Variants in DHX9 observed in about 807,000 individuals in gnomAD.
The protein encoded by DHX9 is DExH-box helicase 9, also known as ATP-dependent RNA helicase A.
DHX9 carries 27 observed loss-of-function variants against 148.7 expected under a neutral mutation model. The observed-to-expected ratio is 0.18, with a 90% CI of 0.13 to 0.25. DHX9 has a LOEUF of 0.25. DHX9 is among the 10% of genes least tolerant of loss of function. The pLI is 1.00. For synonymous variants in DHX9, 529 were observed against 516.6 expected (o/e 1.02, Z -0.33); for missense variants, 796 against 1,559.6 (o/e 0.51, Z 8.25).
intron 17 of DHX9, 45 bp from the exon 18 acceptor site, chr1:182,876,401 AC>A: frequency 6.3e-7 from 1 of 1,587,658 alleles, no homozygotes; most frequent in Non-Finnish European, 8.6e-7. Flanking sequence ...GCTGTTTGAA[AC>A]CAGCTCCTGT....
intron 3 of DHX9, among the ~76,000 whole-genome samples, chr1:182,844,988 CTGT>C (rs1468565795): frequency 1.3e-5 from 2 of 152,188 alleles, no homozygotes; most frequent in African/African-American, 4.8e-5. Flanking sequence ...TAACAGGGTC[CTGT>C]TACTGAATTT....
intron 1 of DHX9, among the ~76,000 whole-genome samples, chr1:182,841,307 A>G (rs955963498): frequency 7.9e-5 from 12 of 152,116 alleles, no homozygotes; most frequent in Admixed American, 2.0e-4. Context: ...AAAAAGAGAG[A>G]AAAGACTAAA....
chr1:182,881,928 A>G (rs1440753627), intron 24 of DHX9, among the ~76,000 whole-genome samples: 2 of 152,190 alleles, frequency 1.3e-5, no homozygotes, highest in South Asian at 2.1e-4. Context: ...CGGTGTACAG[A>G]TGATTAAAGG....
chr1:182,875,984 A>C (rs1648747099), intron 16 of DHX9, 66 bp from the exon 17 acceptor site: 1 of 1,260,390 alleles, frequency 7.9e-7, no homozygotes, highest in African/African-American at 1.5e-5. Context: ...CACTAGAAGA[A>C]ATCTAGAAGA....
At chr1:182,875,042 C>T (rs900740465) in intron 16 of DHX9, 88 bp downstream of exon 16, 20 of 1,028,956 alleles carry the variant, frequency 1.9e-5, no homozygotes, top group Admixed American at 1.7e-4. Flanking sequence ...AATGTATTAG[C>T]ATTACAGCAA....
intron 14 of DHX9, among the ~76,000 whole-genome samples, chr1:182,867,996 T>C (rs771351490): frequency 2.0e-5 from 3 of 152,178 alleles, no homozygotes; most frequent in African/African-American, 2.4e-5. Context: ...TTTTTTTCTT[T>C]TTTCTTCTCC....
intron 27 of DHX9, among the ~76,000 whole-genome samples, chr1:182,885,748 A>G (rs561471337): frequency 3.3e-5 from 5 of 152,350 alleles, no homozygotes; most frequent in Non-Finnish European, 5.9e-5. Flanking sequence ...AACCAGGTTC[A>G]AACCCAGGCA....
intron 27 of DHX9, 80 bp downstream of exon 27, chr1:182,884,893 T>C: frequency 7.4e-7 from 1 of 1,343,520 alleles, no homozygotes. Flanking sequence ...AAGTTAGTGA[T>C]AGAAGCCCTA....
chr1:182,872,511 G>A lies in DHX9; in HGVS notation c.1714+18G>A, dbSNP rs750806251. 1 of 1,605,896 alleles carries A rather than the reference G, an allele frequency of 6.2e-7. No individual in the cohort carries two copies. The highest frequency in any genetic ancestry group is 1.1e-5 in the South Asian group (1 of 89,466). The stretch of plus-strand genomic sequence containing the variant: ...AGTTCAAGGTAATATTGTGGGGGTG[G>A]TATAGGAACATCTTTTGTGCAATAG... On this transcript the variant is annotated intron_variant, in intron 15 of 27. Coordinates refer to ENST00000367549, the MANE Select transcript of DHX9 (RefSeq NM_001357.5).
At chr1:182,873,142 G>C (rs564390485) in intron 15 of DHX9, among the ~76,000 whole-genome samples, 13 of 152,172 alleles carry the variant, frequency 8.5e-5, no homozygotes, top group African/African-American at 3.1e-4. Flanking sequence ...ATTTTGTAGA[G>C]ACAAGGTCTC....
intron 15 of DHX9, 39 bp downstream of exon 15, chr1:182,872,532 A>G (rs1386526783): frequency 7.0e-6 from 11 of 1,581,362 alleles, no homozygotes; most frequent in Non-Finnish European, 8.6e-6. Context: ...TCTTTTGTGC[A>G]ATAGGGTTTG....
intron 24 of DHX9, 41 bp from the exon 25 acceptor site, chr1:182,883,098 C>G (rs753644030): frequency 7.6e-7 from 1 of 1,321,328 alleles, no homozygotes; most frequent in Non-Finnish European, 1.1e-6. Flanking sequence ...GAAGATCAGC[C>G]AGTTATCTGA....
intron 1 of DHX9, among the ~76,000 whole-genome samples, chr1:182,841,761 A>G (rs1667935905): frequency 6.6e-6 from 1 of 152,200 alleles, no homozygotes; most frequent in African/African-American, 2.4e-5. Flanking sequence ...TCTTGCTTAC[A>G]GTTTAGACTC....
rs1337696309 is a variant in DHX9, at chr1:182,854,843, A to G, written c.626+665A>G. ...GAGAGCATTCCAGGGTGTAGTAATT[A>G]TTACTCCCAGGAAGGCTCATATGGA... On this transcript the variant is annotated intron_variant, in intron 6 of 27. Transcript: ENST00000367549. 5.9e-5 allele frequency among the ~76,000 whole-genome samples: 9 copies of G among 152,090 alleles called. 1 individual carries two copies. Among genetic ancestry groups the G allele is most frequent in the Admixed American group, 5.9e-4 (9 of 15,252 alleles).
rs1382050692 is a variant in DHX9, at chr1:182,883,574, T to A, written c.3199T>A (p.Leu1067Met). ...KGMTLVTPLQ[L>M]LLFASKKVQS... ...CATGACTTTAGTCACCCCCCTGCAG[T>A]TGCTTCTCTTTGCCTCCAAGAAAGT... Residue 1067 changes from leucine to methionine, a missense_variant, in exon 26 of 28, where the codon TTG (leucine) becomes ATG (methionine). By Grantham distance (15) the Leu-to-Met change is conservative. This residue lies in a region of DHX9 where 14 missense variants were observed against 87.5 expected (regional missense o/e 0.16). Coordinates refer to ENST00000367549, the MANE Select transcript of DHX9 (RefSeq NM_001357.5). 6.2e-7 allele frequency: 1 copy of A among 1,613,720 alleles called. No homozygotes were observed. Among genetic ancestry groups the A allele is most frequent in the Admixed American group, 1.7e-5 (1 of 60,018 alleles).
At chr1:182,856,100 T>C (rs2102598513) in intron 6 of DHX9, among the ~76,000 whole-genome samples, 1 of 152,348 alleles carries the variant, frequency 6.6e-6, no homozygotes, top group East Asian at 1.9e-4. Context: ...GCTTAATAGA[T>C]CGCAGTCATT....
At chr1:182,840,887 G>A (rs1420536156) in intron 1 of DHX9, among the ~76,000 whole-genome samples, 3 of 152,224 alleles carry the variant, frequency 2.0e-5, no homozygotes, top group Admixed American at 1.3e-4. Flanking sequence ...GGGGTAGGGT[G>A]TTGGAACAGA....
rs577003443 is a variant in DHX9 at position 182,840,244 on chromosome 1, A to G, written c.-23+788A>G. Among the ~76,000 whole-genome samples, 3 of 144,410 alleles carry G rather than the reference A, an allele frequency of 2.1e-5. No homozygotes were observed. The South Asian group carries it at 7.1e-4, about 34-fold the overall frequency. The allele number at this position is 144,410 out of a possible 152,430, so 94.7% of individuals were successfully genotyped here. ...GACGTATTTTGAAGCAGAAATGCGTAGTGGTGGAAGGTAGTAGATCTGGAG... is the reference window on the plus strand; with the variant it reads ...GACGTATTTTGAAGCAGAAATGCGTGGTGGTGGAAGGTAGTAGATCTGGAG... On this transcript the variant is annotated intron_variant, in intron 1 of 27. Coordinates refer to ENST00000367549, the MANE Select transcript of DHX9 (RefSeq NM_001357.5).
chr1:182,880,807 T>A (rs1649051148), intron 22 of DHX9, among the ~76,000 whole-genome samples, 199 bp downstream of exon 22: 1 of 151,958 alleles, frequency 6.6e-6, no homozygotes, highest in East Asian at 1.9e-4. Context: ...CTGGGCCCAA[T>A]ATGGGGAAAA....
Sources: allele counts gnomAD v4.1 joint callset (sites outside exome capture counted in the v4.1 genomes callset), GRCh38; gene constraint gnomAD v4.1.1; regional missense constraint gnomAD v4.1.1; transcripts MANE v1.5; gene names NCBI Gene and HGNC (gene_info 2026-07-23, HGNC 2026-07-21).